GPRC6A: variants seen among roughly 807,000 people sequenced by gnomAD.
GPRC6A encodes the protein G protein-coupled receptor class C group 6 member A, also known as G protein-coupled receptor family C group 6 member A.
In GPRC6A, 54 loss-of-function variants were observed where a neutral mutation model predicts 47.0. The observed-to-expected ratio is 1.15, with a 90% CI of 0.92 to 1.44. The LOEUF is 1.44. Ranked by LOEUF, GPRC6A falls within the 40% of genes most tolerant of loss-of-function variation. The probability of loss-of-function intolerance (pLI) is 0.00; values close to 1 mark genes in which losing one functional copy is unlikely to be tolerated. For synonymous variants in GPRC6A, 347 were observed against 377.1 expected (o/e 0.92, Z 0.93); for missense variants, 1,112 against 1,105.5 (o/e 1.01, Z -0.08).
chr6:116,802,033 C>T (rs1300978928), intron 3 of GPRC6A, among the ~76,000 whole-genome samples: 1 of 152,130 alleles, frequency 6.6e-6, no homozygotes, highest in African/African-American at 2.4e-5. Context: ...CCCAGTAACT[C>T]AGTTCTTTAG....
In GPRC6A at chr6:116,800,800, T is replaced by C. The variant is rs1335098921; in HGVS notation, c.1336-4A>G. ...CATTTTTTAGCACACCAAGTAACTATAAAAAATAAAAACAGAGATAAGCAC... is the reference window on the plus strand; with the variant it reads ...CATTTTTTAGCACACCAAGTAACTACAAAAAATAAAAACAGAGATAAGCAC... On this transcript the variant is annotated splice_polypyrimidine_tract_variant and splice_region_variant and intron_variant, in intron 3 of 5. Transcript: ENST00000310357. 6.4e-6 allele frequency: 10 copies of C among 1,567,796 alleles called. No individual in the cohort carries two copies. The Middle Eastern group carries it at 5.1e-4, about 79-fold the overall frequency.
rs745984377 is a variant in GPRC6A at position 116,806,949 on chromosome 6, A to G, written c.756T>C (p.Asn252=). The G allele has an allele frequency of 5.0e-5, 81 of 1,613,442 alleles. No homozygotes were observed. In the South Asian group the frequency reaches 8.2e-4, roughly 16 times the overall value. The change falls in exon 3 of 6, where the codon AAT becomes AAC. Residue 252 remains asparagine (N), a synonymous_variant. Coordinates refer to ENST00000310357, the MANE Select transcript of GPRC6A (RefSeq NM_148963.4). ...KEVLPAFLSD[N]TIEVRINRTL... is the part of the protein sequence containing the mutation. ...TCCGATTGATTCTGACTTCAATGGTATTATCTGAAAGAAAGGCTGGAAGAA... is the reference window on the plus strand; with the variant it reads ...TCCGATTGATTCTGACTTCAATGGTGTTATCTGAAAGAAAGGCTGGAAGAA...
At chr6:116,815,063 C>A (rs1359617316) in intron 1 of GPRC6A, among the ~76,000 whole-genome samples, 1 of 152,034 alleles carries the variant, frequency 6.6e-6, no homozygotes, top group Non-Finnish European at 1.5e-5. Flanking sequence ...CACTGAAGCA[C>A]CCAGATTCAT....
chr6:116,803,074 C>T (rs949925277), intron 3 of GPRC6A, among the ~76,000 whole-genome samples: 3 of 152,014 alleles, frequency 2.0e-5, no homozygotes, highest in African/African-American at 4.8e-5. Flanking sequence ...TTTCTTACTC[C>T]CACCAGACCT....
chr6:116,807,086 C>G lies in GPRC6A; in HGVS notation c.619G>C (p.Gly207Arg), dbSNP rs765939908. Reference sequence around the variant, plus strand: ...GTTATGATGCCAATCCAGTTCCAACCAGATTTCTGAATCAGGTGAGCCATT... The same window carrying G: ...GTTATGATGCCAATCCAGTTCCAACGAGATTTCTGAATCAGGTGAGCCATT... ...KAMAHLIQKS[G>R]WNWIGIITTD... Residue 207 changes from glycine to arginine, a missense_variant, in exon 3 of 6, where the codon GGT becomes CGT. Coordinates refer to ENST00000310357, the MANE Select transcript of GPRC6A (RefSeq NM_148963.4). The G allele has an allele frequency of 7.4e-6, 12 of 1,613,604 alleles. No individual in the cohort carries two copies. The South Asian group carries it at 8.8e-5, about 12-fold the overall frequency.
chr6:116,816,492 G>A (rs1231457919), intron 1 of GPRC6A, among the ~76,000 whole-genome samples: 1 of 152,204 alleles, frequency 6.6e-6, no homozygotes, highest in African/African-American at 2.4e-5. Flanking sequence ...CAGCAGCAGG[G>A]CCCTGGTCTC....
chr6:116,806,038 G>T lies in GPRC6A; in HGVS notation c.1335+332C>A, dbSNP rs779384078. Among the ~76,000 whole-genome samples, 15 of 152,148 alleles carry T rather than the reference G, an allele frequency of 9.9e-5. No homozygotes were observed. The East Asian group carries it at 2.5e-3, about 26-fold the overall frequency. On this transcript the variant is annotated intron_variant, in intron 3 of 5. Transcript: ENST00000310357. ...GTAAAAAACAAAAGGATTATTAAAC[G>T]TGTCTGCTCTAACTCTTGTGTTTTT... is the stretch of plus-strand genomic sequence containing the variant.
chr6:116,829,108 A>G (rs1773767178), upstream of GPRC6A: 1 of 1,479,646 alleles, frequency 6.8e-7, no homozygotes, highest in Non-Finnish European at 9.0e-7. Context: ...TAAACACCTT[A>G]TAAGGTATAG....
intron 1 of GPRC6A, among the ~76,000 whole-genome samples, chr6:116,820,352 A>G (rs1365565938): frequency 6.6e-6 from 1 of 152,050 alleles, no homozygotes; most frequent in African/African-American, 2.4e-5. Context: ...TCCCTAACTC[A>G]TTTTATGAGG....
intron 4 of GPRC6A, among the ~76,000 whole-genome samples, chr6:116,799,079 C>A (rs896846800): frequency 6.6e-6 from 1 of 152,050 alleles, no homozygotes; most frequent in Admixed American, 6.6e-5. Flanking sequence ...AGAATCCCAG[C>A]AGGTTTTCTC....
chr6:116,818,560 A>C (rs1454976002), intron 1 of GPRC6A, among the ~76,000 whole-genome samples: 13 of 126,794 alleles, frequency 1.0e-4, no homozygotes, highest in African/African-American at 3.5e-4. Context: ...AAAAAAAAAA[A>C]AAAAAAAAAA....
At chr6:116,799,630 A>T (rs1386321449) in intron 4 of GPRC6A, among the ~76,000 whole-genome samples, 1 of 152,182 alleles carries the variant, frequency 6.6e-6, no homozygotes, top group Non-Finnish European at 1.5e-5. Context: ...GGGTCATTAA[A>T]TGTATTCAAC....
At chr6:116,811,921 A>C (rs1337451496) in intron 1 of GPRC6A, among the ~76,000 whole-genome samples, 1 of 152,158 alleles carries the variant, frequency 6.6e-6, no homozygotes, top group Non-Finnish European at 1.5e-5. Context: ...TTGATATCCC[A>C]GAAGGTAAAG....
At chr6:116,813,270 A>G (rs1219197237) in intron 1 of GPRC6A, among the ~76,000 whole-genome samples, 2 of 152,206 alleles carry the variant, frequency 1.3e-5, no homozygotes, top group African/African-American at 2.4e-5. Context: ...TAAAGTTCAT[A>G]TGGAACCAAA....
chr6:116,819,390 A>C (rs1404369179), intron 1 of GPRC6A, among the ~76,000 whole-genome samples: 1 of 151,210 alleles, frequency 6.6e-6, no homozygotes, highest in Non-Finnish European at 1.5e-5. Flanking sequence ...TCCACCCCAA[A>C]TCAACAGAAT....
At chr6:116,818,675 C>G (rs1259003780) in intron 1 of GPRC6A, among the ~76,000 whole-genome samples, 2 of 149,268 alleles carry the variant, frequency 1.3e-5, no homozygotes, top group Admixed American at 1.3e-4. Flanking sequence ...TTTGTCACCA[C>G]CAGGCCTGCC....
At chr6:116,804,555 G>A (rs1374712523) in intron 3 of GPRC6A, among the ~76,000 whole-genome samples, 2 of 151,922 alleles carry the variant, frequency 1.3e-5, no homozygotes, top group African/African-American at 2.4e-5. Context: ...GCTCACTCAC[G>A]TCTTGATCAA....
chr6:116,818,474 C>A (rs1164141059), intron 1 of GPRC6A, among the ~76,000 whole-genome samples: 1 of 112,456 alleles, frequency 8.9e-6, no homozygotes, highest in Admixed American at 1.2e-4. Context: ...GCGGAGCTTG[C>A]AGTGAGCCGA....
Position 116,806,818 on chromosome 6 carries a change from T to TTTA in GPRC6A, c.884_886dup (p.Ile295dup). On this transcript the variant is annotated inframe_insertion, in exon 3 of 6. Coordinates refer to ENST00000310357, the MANE Select transcript of GPRC6A (RefSeq NM_148963.4). ...ATTATCACTAGCAATCCACATCTTA[T>TTTA]TTATATTCATTTCAATGGCTTTATT... 2 of 1,613,496 alleles carry TTTA rather than the reference T, an allele frequency of 1.2e-6. No homozygotes were observed. Among genetic ancestry groups the TTTA allele is most frequent in the Admixed American group, 1.7e-5 (1 of 59,902 alleles).
Sources: gnomAD v4.1 joint callset for allele counts (sites outside exome capture counted in the v4.1 genomes callset) on GRCh38, gnomAD v4.1.1 for gene constraint, MANE v1.5 for transcripts, NCBI Gene and HGNC (gene_info 2026-07-23, HGNC 2026-07-21) for gene names.